Variants in ATP6V0A2 observed in about 807,000 individuals in gnomAD.
The protein encoded by ATP6V0A2 is ATPase H+ transporting V0 subunit a2, also known as V-type proton ATPase 116 kDa subunit a 2.
A neutral mutation model predicts 104.4 loss-of-function variants in ATP6V0A2; 58 were observed. The observed-to-expected ratio is 0.56, with a 90% CI of 0.45 to 0.69. The LOEUF (loss-of-function observed/expected upper bound fraction) is 0.69. ATP6V0A2 is among the 30% of genes least tolerant of loss of function. The probability of loss-of-function intolerance (pLI) is 0.00; values close to 1 mark genes in which losing one functional copy is unlikely to be tolerated. For missense variants in ATP6V0A2, 938 were observed against 1,062.9 expected, an observed-to-expected ratio of 0.88 and a Z score of 1.63; for synonymous variants, 376 against 397.9, an observed-to-expected ratio of 0.95 and a Z score of 0.65.
At chr12:123,717,267 A>G (rs1005483350) in intron 1 of ATP6V0A2, among the ~76,000 whole-genome samples, 2 of 149,268 alleles carry the variant, frequency 1.3e-5, no homozygotes, top group Non-Finnish European at 3.0e-5. Flanking sequence ...GTGAGCCAAG[A>G]TACTGCCAGT....
chr12:123,754,652 G>A, intron 18 of ATP6V0A2, 115 bp downstream of exon 18: 1 of 771,204 alleles, frequency 1.3e-6, no homozygotes, highest in Non-Finnish European at 2.3e-6. Context: ...TCTTTCAGCT[G>A]CCACGTGAAC....
intron 1 of ATP6V0A2, among the ~76,000 whole-genome samples, chr12:123,715,166 C>T (rs1275850000): frequency 6.6e-6 from 1 of 152,174 alleles, no homozygotes; most frequent in Non-Finnish European, 1.5e-5. Flanking sequence ...AAATTTACCT[C>T]TTTATAAATA....
At chr12:123,717,013 C>T (rs1956347330) in intron 1 of ATP6V0A2, among the ~76,000 whole-genome samples, 1 of 152,048 alleles carries the variant, frequency 6.6e-6, no homozygotes, top group East Asian at 1.9e-4. Flanking sequence ...GCTGCTTTCA[C>T]TTAGTATGAA....
chr12:123,754,830 G>C, intron 18 of ATP6V0A2: 2 of 452,532 alleles, frequency 4.4e-6, no homozygotes, highest in Non-Finnish European at 8.0e-6. Context: ...AACTGAGACG[G>C]CTTGGGAGCC....
At chr12:123,752,233 A>C (rs377271082) in intron 16 of ATP6V0A2, 50 bp from the exon 17 acceptor site, 1 of 1,612,504 alleles carries the variant, frequency 6.2e-7, no homozygotes, top group Non-Finnish European at 8.5e-7. Context: ...TGGTTTTGTC[A>C]CAACCTTGTG....
Position 123,734,016 on chromosome 12 carries a change from A to G in ATP6V0A2, c.731+8A>G. The G allele has an allele frequency of 6.2e-7, 1 of 1,603,174 alleles. No individual in the cohort carries two copies. Among genetic ancestry groups the G allele is most frequent in the Non-Finnish European group, 8.5e-7 (1 of 1,170,634 alleles). Reference sequence around the variant, plus strand: ...TAAGAAGATATGTGATTGGTAAGAAAAAGAAACATTTCATTTCATTTATGT... The same window carrying G: ...TAAGAAGATATGTGATTGGTAAGAAGAAGAAACATTTCATTTCATTTATGT... On this transcript the variant is annotated splice_region_variant and intron_variant, in intron 7 of 19. Transcript: ENST00000330342.
At chr12:123,734,793 G>A (rs1956535057) in intron 7 of ATP6V0A2, among the ~76,000 whole-genome samples, 1 of 152,064 alleles carries the variant, frequency 6.6e-6, no homozygotes, top group African/African-American at 2.4e-5. Context: ...CTCAATTGGT[G>A]GAATAGAAAG....
intron 7 of ATP6V0A2, 67 bp from the exon 8 acceptor site, chr12:123,735,464 G>A (rs938056987): frequency 1.2e-5 from 17 of 1,434,178 alleles, no homozygotes; most frequent in Middle Eastern, 1.9e-4. Context: ...AAGATGTGCC[G>A]GGGAGGTGAA....
chr12:123,745,386 T>TG (rs34781415), intron 13 of ATP6V0A2, among the ~76,000 whole-genome samples: 9 of 152,084 alleles, frequency 5.9e-5, no homozygotes, highest in African/African-American at 2.2e-4. Flanking sequence ...TGGTGCTTAT[T>TG]GGGGTAGTTG....
In ATP6V0A2 at chr12:123,748,688, C is replaced by A. The variant is rs766354816; in HGVS notation, c.1838C>A (p.Ser613Ter). ...ATTTTCTACAAGTGGCTGGTTTTTT[C>A]AGCAGAAACCTCCAGAGTTGCTCCC... ...FMIFYKWLVF[S>*]AETSRVAPSI... The change falls in exon 15 of 20, where the codon TCA (serine) becomes TAA (stop). Residue 613 changes from serine to a stop codon, truncating the protein, a stop_gained. Coordinates refer to ENST00000330342, the MANE Select transcript of ATP6V0A2 (RefSeq NM_012463.4). LOFTEE classifies it high-confidence loss of function. 14 of 1,614,124 alleles carry A rather than the reference C, an allele frequency of 8.7e-6. No homozygotes were observed. Among genetic ancestry groups the A allele is most frequent in the Non-Finnish European group, 1.2e-5 (14 of 1,180,000 alleles).
chr12:123,751,447 G>A (rs1056025411), intron 16 of ATP6V0A2, among the ~76,000 whole-genome samples: 1 of 152,120 alleles, frequency 6.6e-6, no homozygotes, highest in Non-Finnish European at 1.5e-5. Flanking sequence ...TTGAGCCCAG[G>A]AGTTTGAGAC....
intron 2 of ATP6V0A2, among the ~76,000 whole-genome samples, chr12:123,720,919 C>G (rs1956393255): frequency 6.6e-6 from 1 of 151,922 alleles, no homozygotes; most frequent in Non-Finnish European, 1.5e-5. Context: ...AATTTGCGTT[C>G]ATTTCTAGAA....
chr12:123,722,044 T>C (rs1956405080), intron 2 of ATP6V0A2, among the ~76,000 whole-genome samples: 2 of 152,224 alleles, frequency 1.3e-5, no homozygotes, highest in Non-Finnish European at 2.9e-5. Context: ...ATGAAAAAAA[T>C]GGGTGGAATT....
intron 6 of ATP6V0A2, among the ~76,000 whole-genome samples, chr12:123,728,395 C>CTTTT (rs34247373): frequency 6.4e-5 from 8 of 124,502 alleles, no homozygotes; most frequent in African/African-American, 1.2e-4. Flanking sequence ...CCTCACCTGG[C>CTTTT]TTTTTTTTTT....
Position 123,744,144 on chromosome 12 carries a change from A to G in ATP6V0A2, c.1190-57A>G. The G allele has an allele frequency of 6.2e-7, 1 of 1,608,372 alleles. No individual in the cohort carries two copies. Among genetic ancestry groups the G allele is most frequent in the African/African-American group, 1.3e-5 (1 of 74,916 alleles). ...TGTTATGTATCATTGTGTTTGAATG[A>G]ACTCAGGTTTTCCATATTTGCTGTG... On this transcript the variant is annotated intron_variant, in intron 10 of 19. Coordinates refer to ENST00000330342, the MANE Select transcript of ATP6V0A2 (RefSeq NM_012463.4). This position sits in a 1 kb window ranked among gnomAD's most constrained non-coding sequence, Gnocchi z 5.4.
intron 1 of ATP6V0A2, among the ~76,000 whole-genome samples, chr12:123,716,561 C>T (rs1201389145): frequency 6.6e-6 from 1 of 152,026 alleles, no homozygotes. Context: ...GAGGCTGAGG[C>T]AGCCACATCA....
At chr12:123,716,416 AT>A (rs1956339722) in intron 1 of ATP6V0A2, among the ~76,000 whole-genome samples, 1 of 152,140 alleles carries the variant, frequency 6.6e-6, no homozygotes, top group South Asian at 2.1e-4. Context: ...TTTAAATAAC[AT>A]TTCTTAATAT....
intron 6 of ATP6V0A2, among the ~76,000 whole-genome samples, chr12:123,729,272 T>G (rs979630826): frequency 1.3e-5 from 2 of 150,048 alleles, no homozygotes; most frequent in Non-Finnish European, 3.0e-5. Context: ...AGATGCATGT[T>G]GCAATTCCTC....
rs191169246 is a variant in ATP6V0A2, at chr12:123,716,020, G to T, written c.118-2603G>T. ...CTAGATCATTTTGAAGCAAATCCAA[G>T]ATATATAATTTAACTTTTCAACAAG... On this transcript the variant is annotated intron_variant, in intron 1 of 19. Coordinates refer to ENST00000330342, the MANE Select transcript of ATP6V0A2 (RefSeq NM_012463.4). Among the ~76,000 whole-genome samples, 26 of 151,614 alleles carry T rather than the reference G, an allele frequency of 1.7e-4. No individual in the cohort carries two copies. In the East Asian group the frequency reaches 4.8e-3, roughly 28 times the overall value.
Sources: gnomAD v4.1 joint callset for allele counts (sites outside exome capture counted in the v4.1 genomes callset) on GRCh38, gnomAD v4.1.1 for gene constraint, Gnocchi (gnomAD v3.1) non-coding constraint, MANE v1.5 for transcripts, NCBI Gene and HGNC (gene_info 2026-07-23, HGNC 2026-07-21) for gene names.